Variants in DTNB observed in about 807,000 individuals in gnomAD.
DTNB encodes the protein dystrobrevin beta.
DTNB carries 63 observed loss-of-function variants against 90.7 expected under a neutral mutation model. The ratio of observed to expected loss-of-function variants is 0.69; its 90% CI spans 0.57 to 0.86. DTNB has a LOEUF of 0.86. Among genes scored for constraint, DTNB ranks in the 40% least tolerant of loss-of-function variants. The pLI is 0.00. For synonymous variants in DTNB, 277 were observed against 286.7 expected (o/e 0.97, Z 0.34); for missense variants, 744 against 807.1 (o/e 0.92, Z 0.95).
At chr2:25,440,435 A>C (rs1315442962) in intron 12 of DTNB, among the ~76,000 whole-genome samples, 2 of 152,176 alleles carry the variant, frequency 1.3e-5, no homozygotes, top group East Asian at 3.8e-4. Context: ...ATAAAGAGAA[A>C]TTTTGTACTC....
rs2064557202 is a variant in DTNB, at chr2:25,596,082, T to C, written c.603+4A>G. On this transcript the variant is annotated splice_donor_region_variant and intron_variant, in intron 6 of 20. Coordinates refer to ENST00000406818, the MANE Select transcript of DTNB (RefSeq NM_021907.5). ...AGCCCTAGATTCTATAAAACTGTCC[T>C]TACCTGCTGTGGAAAACAGGTGCGG... 2.5e-6 allele frequency: 4 copies of C among 1,599,712 alleles called. No individual in the cohort carries two copies. The East Asian group carries it at 9.0e-5, about 36-fold the overall frequency.
chr2:25,595,629 T>C (rs2064431548), intron 6 of DTNB, among the ~76,000 whole-genome samples: 1 of 152,124 alleles, frequency 6.6e-6, no homozygotes, highest in African/African-American at 2.4e-5. Context: ...ATCAAATCCA[T>C]CTTTTTCTAA....
intron 9 of DTNB, among the ~76,000 whole-genome samples, chr2:25,503,838 AC>A (rs2071501189): frequency 6.6e-6 from 1 of 151,956 alleles, no homozygotes; most frequent in Non-Finnish European, 1.5e-5. Flanking sequence ...AATGACGTGA[AC>A]CCTGGAGGTG....
chr2:25,511,296 T>C (rs758050142), intron 9 of DTNB, among the ~76,000 whole-genome samples: 12 of 152,230 alleles, frequency 7.9e-5, no homozygotes, highest in Non-Finnish European at 1.8e-4. Flanking sequence ...TCAATATAAA[T>C]CAGTTTCATA....
chr2:25,618,138 G>C (rs999308676), intron 4 of DTNB, among the ~76,000 whole-genome samples: 1 of 152,122 alleles, frequency 6.6e-6, no homozygotes, highest in Non-Finnish European at 1.5e-5. Flanking sequence ...AAACCCCTCA[G>C]TCTACTTTAA....
intron 10 of DTNB, among the ~76,000 whole-genome samples, chr2:25,476,099 G>A (rs1012978956): frequency 1.1e-4 from 15 of 137,946 alleles, no homozygotes; most frequent in South Asian, 6.7e-4. Flanking sequence ...AAGTAGTTTC[G>A]CTCTTGTCAC....
intron 3 of DTNB, among the ~76,000 whole-genome samples, chr2:25,632,545 G>C (rs2076005241): frequency 6.6e-6 from 1 of 152,138 alleles, no homozygotes. Context: ...TGGATTAACG[G>C]ACTAATTAAT....
At chr2:25,566,121 G>T (rs1007563178) in intron 8 of DTNB, among the ~76,000 whole-genome samples, 5 of 152,220 alleles carry the variant, frequency 3.3e-5, no homozygotes, top group African/African-American at 9.6e-5. Context: ...TTGCAGGAAA[G>T]AAAATCAGAG....
At chr2:25,605,300 T>C (rs1301121269) in intron 5 of DTNB, among the ~76,000 whole-genome samples, 4 of 152,210 alleles carry the variant, frequency 2.6e-5, no homozygotes, top group African/African-American at 9.7e-5. Flanking sequence ...ATCACAGCCA[T>C]CCAAACACTA....
chr2:25,652,669 CAAAG>C lies in DTNB; in HGVS notation c.-1-12_-1-9del, dbSNP rs1162802388. On this transcript the variant is annotated splice_polypyrimidine_tract_variant and intron_variant, in intron 1 of 20. Transcript: ENST00000406818. Reference sequence around the variant, plus strand: ...CCACTTTCCTCAATCATCCTAGAGACAAAGAAAGATACAATAAACCACTGTATAA... The same window carrying C: ...CCACTTTCCTCAATCATCCTAGAGACAAAGATACAATAAACCACTGTATAA... 2.5e-6 allele frequency: 4 copies of C among 1,610,036 alleles called. No individual in the cohort carries two copies. The Admixed American group carries it at 6.7e-5, about 27-fold the overall frequency.
intron 11 of DTNB, among the ~76,000 whole-genome samples, chr2:25,452,518 G>A (rs1425606105): frequency 6.6e-6 from 1 of 152,192 alleles, no homozygotes; most frequent in Non-Finnish European, 1.5e-5. Context: ...AGAGGTGGCT[G>A]TTGTGGCTTA....
intron 15 of DTNB, chr2:25,421,063 A>G (rs2049504557): frequency 1.3e-5 from 2 of 152,110 alleles, no homozygotes. Context: ...CAATGGTTCT[A>G]TTTAAATTGG....
chr2:25,382,952 A>G (rs986900746), intron 19 of DTNB, among the ~76,000 whole-genome samples: 5 of 152,206 alleles, frequency 3.3e-5, no homozygotes, highest in African/African-American at 9.6e-5. Context: ...ATCATACGTG[A>G]AAATCATTCC....
chr2:25,621,311 T>C (rs2072539605), intron 4 of DTNB, among the ~76,000 whole-genome samples: 1 of 152,238 alleles, frequency 6.6e-6, no homozygotes, highest in Non-Finnish European at 1.5e-5. Context: ...TAAGAATTTA[T>C]GGAAGACATT....
chr2:25,551,063 C>T (rs1295459893), intron 8 of DTNB, among the ~76,000 whole-genome samples: 1 of 152,208 alleles, frequency 6.6e-6, no homozygotes, highest in African/African-American at 2.4e-5. Flanking sequence ...TTCCTTCATA[C>T]TCTATTTCTT....
intron 6 of DTNB, among the ~76,000 whole-genome samples, chr2:25,589,585 C>T (rs868038073): frequency 1.3e-5 from 2 of 151,838 alleles, no homozygotes; most frequent in African/African-American, 2.4e-5. Context: ...TTCACCACGT[C>T]GGCCAGGCTG....
At chr2:25,541,664 T>C (rs1213616544) in intron 8 of DTNB, among the ~76,000 whole-genome samples, 3 of 152,114 alleles carry the variant, frequency 2.0e-5, no homozygotes, top group Non-Finnish European at 2.9e-5. Context: ...AAACTGCCAA[T>C]GGACATGTAG....
At chr2:25,616,150 G>A (rs2070407156) in intron 4 of DTNB, among the ~76,000 whole-genome samples, 1 of 152,198 alleles carries the variant, frequency 6.6e-6, no homozygotes, top group African/African-American at 2.4e-5. Flanking sequence ...AAAAGAAACT[G>A]TTGCTATCTA....
Position 25,531,539 on chromosome 2 carries a change from G to A in DTNB, c.935C>T (p.Thr312Met), listed in dbSNP as rs200652614. 8.8e-4 allele frequency: 1,425 copies of A among 1,613,898 alleles called. 11 individuals carry two copies. The highest frequency in any genetic ancestry group is 6.2e-3 in the South Asian group (567 of 91,076). Residue 312 changes from threonine (T) to methionine (M), a missense_variant, in exon 9 of 21, where the codon ACG becomes ATG. Thr to Met is a moderately conservative substitution (Grantham distance 81, BLOSUM62 -1). Coordinates refer to ENST00000406818, the MANE Select transcript of DTNB (RefSeq NM_021907.5). ...AISKSLGCVP[T>M]REPPHPVFPE... ...AAAAACAGGATGCGGGGGTTCTCTC[G>A]TGGGTACACACCCCAAAGATTTACT...
Sources: gnomAD v4.1 joint callset for allele counts (sites outside exome capture counted in the v4.1 genomes callset) on GRCh38, gnomAD v4.1.1 for gene constraint, MANE v1.5 for transcripts, NCBI Gene and HGNC (gene_info 2026-07-23, HGNC 2026-07-21) for gene names.